The following SLC4A10 variants were observed in gnomAD, a reference collection of about 807,000 sequenced individuals.
SLC4A10 encodes sodium-driven chloride bicarbonate exchanger.
In SLC4A10, 42 loss-of-function variants were observed where a neutral mutation model predicts 137.7. That is an observed-to-expected ratio of 0.30 (90% CI 0.24 to 0.39). SLC4A10 has a LOEUF of 0.39. Ranked by LOEUF, SLC4A10 falls within the 10% of genes least tolerant of loss-of-function variation. SLC4A10 has a pLI of 1.00. For missense variants in SLC4A10, 925 were observed against 1,355.0 expected, an observed-to-expected ratio of 0.68 and a Z score of 4.98; for synonymous variants, 474 against 464.1, an observed-to-expected ratio of 1.02 and a Z score of -0.27.
chr2:161,798,017 C>T (rs1159378900), intron 2 of SLC4A10, among the ~76,000 whole-genome samples: 1 of 151,078 alleles, frequency 6.6e-6, no homozygotes, highest in African/African-American at 2.4e-5. Flanking sequence ...TTTAGCAAAA[C>T]AACACAAGGA....
Position 161,657,955 on chromosome 2 carries a change from A to G in SLC4A10, c.48+33389A>G, listed in dbSNP as rs906892192. ...TTAAATTATAATAGGCCAATACACA[A>G]TCTTCAGGGCAATGACAGTAAATGA... On this transcript the variant is annotated intron_variant, in intron 1 of 26. Coordinates refer to ENST00000446997, the MANE Select transcript of SLC4A10 (RefSeq NM_001178015.2). Among the ~76,000 whole-genome samples, 9 of 152,248 alleles carry G rather than the reference A, an allele frequency of 5.9e-5. No homozygotes were observed. In the East Asian group the frequency reaches 7.7e-4, roughly 13 times the overall value.
chr2:161,627,240 A>G (rs1269897836), intron 1 of SLC4A10, among the ~76,000 whole-genome samples: 2 of 152,134 alleles, frequency 1.3e-5, no homozygotes, highest in African/African-American at 4.8e-5. Flanking sequence ...GGTTTTTATG[A>G]GAAGTGGCTT....
rs1187397445 is a variant in SLC4A10, at chr2:161,879,271, A to G, written c.1089A>G (p.Glu363=). 1.9e-6 allele frequency: 3 copies of G among 1,611,448 alleles called. No homozygotes were observed. Among genetic ancestry groups the G allele is most frequent in the Non-Finnish European group, 2.5e-6 (3 of 1,178,180 alleles). Residue 363 remains glutamate (E), a synonymous_variant, in exon 9 of 27, where the codon GAA becomes GAG. Transcript: ENST00000446997. ...SPAVLLQGLA[E]VPIPTRFLFI... ...CTGTATTGCTTCAAGGACTGGCTGA[A>G]GTCCCAATCCCAACCAGGTAAAAAG... is the stretch of plus-strand genomic sequence containing the variant.
intron 1 of SLC4A10, 22 bp downstream of exon 1, chr2:161,624,588 C>A: frequency 9.0e-6 from 14 of 1,551,860 alleles, no homozygotes; most frequent in African/African-American, 1.4e-5. Context: ...CCTGCTATCA[C>A]ATAGATTAAC....
intron 1 of SLC4A10, among the ~76,000 whole-genome samples, chr2:161,627,741 T>A (rs566596141): frequency 6.6e-6 from 1 of 152,256 alleles, no homozygotes; most frequent in African/African-American, 2.4e-5. Context: ...TTCACTCTTG[T>A]TGGCTAAGTG....
intron 1 of SLC4A10, among the ~76,000 whole-genome samples, chr2:161,682,984 T>C (rs1364412906): frequency 6.6e-6 from 1 of 151,970 alleles, no homozygotes; most frequent in Non-Finnish European, 1.5e-5. Flanking sequence ...ATGAAATTTA[T>C]ATATAACATA....
intron 11 of SLC4A10, among the ~76,000 whole-genome samples, chr2:161,896,140 A>C (rs1031335316): frequency 8.8e-4 from 134 of 152,118 alleles, no homozygotes; most frequent in Non-Finnish European, 1.8e-3. Context: ...ATGGCTAGCC[A>C]GTTTTCCCAG....
chr2:161,693,351 C>G (rs1181469742), intron 1 of SLC4A10, among the ~76,000 whole-genome samples: 2 of 152,056 alleles, frequency 1.3e-5, no homozygotes, highest in East Asian at 3.9e-4. Context: ...AGCTTTCACT[C>G]AAACAAAAAT....
intron 1 of SLC4A10, among the ~76,000 whole-genome samples, chr2:161,688,279 G>A (rs2124894634): frequency 6.6e-6 from 1 of 152,272 alleles, no homozygotes; most frequent in Non-Finnish European, 1.5e-5. Context: ...AATCTTAATT[G>A]AGACAGGATC....
intron 26 of SLC4A10, among the ~76,000 whole-genome samples, chr2:161,982,619 G>A (rs1700367843): frequency 6.6e-6 from 1 of 152,166 alleles, no homozygotes; most frequent in African/African-American, 2.4e-5. Flanking sequence ...GGGTTTGTCT[G>A]TAAAGAGATA....
intron 2 of SLC4A10, among the ~76,000 whole-genome samples, chr2:161,773,104 T>C (rs892742703): frequency 6.6e-6 from 1 of 151,786 alleles, no homozygotes; most frequent in Non-Finnish European, 1.5e-5. Flanking sequence ...AGAAAAGAAA[T>C]TGATATCTAA....
intron 20 of SLC4A10, among the ~76,000 whole-genome samples, chr2:161,957,985 T>C (rs2105872663): frequency 6.6e-6 from 1 of 152,332 alleles, no homozygotes; most frequent in South Asian, 2.1e-4. Flanking sequence ...TAAGTAATTA[T>C]GTTATAGACA....
rs1436867605 is a variant in SLC4A10, at chr2:161,976,446, A to G, written c.3228-314A>G. ...GAAAGTGGAATTATAGTTGCCAGGG[A>G]CCGGGAACAAGAGGAAATGGAGAGT... On this transcript the variant is annotated intron_variant, in intron 24 of 26. Transcript: ENST00000446997. 2.6e-5 allele frequency among the ~76,000 whole-genome samples: 4 copies of G among 152,182 alleles called. No individual in the cohort carries two copies. The South Asian group carries it at 8.3e-4, about 32-fold the overall frequency.
In SLC4A10 at chr2:161,873,975, A is replaced by C; in HGVS notation, c.918A>C (p.Glu306Asp). ...CATGTGGGATGAAACAAAGGCATGA[A>C]AAAGGACCTCCACACCAGCAAGAGA... ...TSPCGMKQRH[E>D]KGPPHQQERE... The change falls in exon 8 of 27, where the codon GAA becomes GAC. Residue 306 changes from glutamate to aspartate, a missense_variant. Glu to Asp is a conservative substitution (Grantham distance 45). Coordinates refer to ENST00000446997, the MANE Select transcript of SLC4A10 (RefSeq NM_001178015.2). The C allele has an allele frequency of 1.3e-6, 2 of 1,594,078 alleles. No homozygotes were observed.
intron 1 of SLC4A10, among the ~76,000 whole-genome samples, chr2:161,761,447 T>A (rs2050244357): frequency 2.0e-5 from 3 of 151,882 alleles, no homozygotes; most frequent in Admixed American, 2.0e-4. Context: ...CCTGTCCATG[T>A]TCCAATAAGG....
chr2:161,734,161 G>C (rs1370306920), intron 1 of SLC4A10, among the ~76,000 whole-genome samples: 1 of 152,086 alleles, frequency 6.6e-6, no homozygotes, highest in Non-Finnish European at 1.5e-5. Flanking sequence ...AGGCATGATT[G>C]GTTTTGAAAT....
At chr2:161,871,711 A>T (rs759683061) in intron 6 of SLC4A10, among the ~76,000 whole-genome samples, 1 of 152,150 alleles carries the variant, frequency 6.6e-6, no homozygotes, top group Non-Finnish European at 1.5e-5. Flanking sequence ...TCAGAGGCAT[A>T]AAATCATATC....
intron 9 of SLC4A10, among the ~76,000 whole-genome samples, chr2:161,880,262 T>C (rs2061686068): frequency 6.6e-6 from 1 of 152,186 alleles, no homozygotes. Context: ...TTGAATACCT[T>C]AGCCAAGTTA....
rs555873661 is a variant in SLC4A10 at position 161,970,551 on chromosome 2, C to T, written c.3160-3698C>T. Among the ~76,000 whole-genome samples, 4 of 152,296 alleles carry T rather than the reference C, an allele frequency of 2.6e-5. No individual in the cohort carries two copies. The South Asian group carries it at 8.3e-4, about 32-fold the overall frequency. On this transcript the variant is annotated intron_variant, in intron 23 of 26. Transcript: ENST00000446997. The stretch of plus-strand genomic sequence containing the variant: ...CTGAAGAGTATTCCATTTCTTAAGA[C>T]GTGAATTCTAAAATTGCTGAATATT...
Sources: gnomAD v4.1 joint callset for allele counts (sites outside exome capture counted in the v4.1 genomes callset) on GRCh38, gnomAD v4.1.1 for gene constraint, MANE v1.5 for transcripts, NCBI Gene and HGNC (gene_info 2026-07-23, HGNC 2026-07-21) for gene names.